The following BMPR1B variants were observed in gnomAD, a reference collection of about 807,000 sequenced individuals.
The protein encoded by BMPR1B is bone morphogenetic protein receptor type 1B, also known as bone morphogenetic protein receptor type-1B.
BMPR1B carries 12 observed loss-of-function variants against 59.1 expected under a neutral mutation model. That is an observed-to-expected ratio of 0.20 (90% CI 0.13 to 0.33). The LOEUF (loss-of-function observed/expected upper bound fraction) is 0.33. Among genes scored for constraint, BMPR1B ranks in the 10% least tolerant of loss-of-function variants. The pLI is 1.00. For synonymous variants in BMPR1B, 237 were observed against 207.3 expected (o/e 1.14, Z -1.23); for missense variants, 550 against 610.9 (o/e 0.90, Z 1.05).
At chr4:94,968,379 C>T (rs1425869161) in intron 2 of BMPR1B, among the ~76,000 whole-genome samples, 4 of 151,784 alleles carry the variant, frequency 2.6e-5, no homozygotes, top group Admixed American at 1.3e-4. Context: ...AATCATGGAG[C>T]AAGCTTAAGA....
At chr4:95,120,258 C>T (rs1397744022) in intron 6 of BMPR1B, among the ~76,000 whole-genome samples, 1 of 152,160 alleles carries the variant, frequency 6.6e-6, no homozygotes, top group Admixed American at 6.5e-5. Flanking sequence ...TTTTGTTTAT[C>T]CAACACACCA....
intron 4 of BMPR1B, among the ~76,000 whole-genome samples, chr4:95,108,514 A>G (rs560305712): frequency 5.9e-5 from 9 of 152,072 alleles, no homozygotes; most frequent in Non-Finnish European, 1.2e-4. Flanking sequence ...GAAATCTCAC[A>G]TGCTAATTTA....
At chr4:95,148,563 C>A (rs1192771793) in intron 10 of BMPR1B, among the ~76,000 whole-genome samples, 185 bp from the exon 11 acceptor site, 1 of 152,046 alleles carries the variant, frequency 6.6e-6, no homozygotes, top group Non-Finnish European at 1.5e-5. Flanking sequence ...CTTTCATTGG[C>A]TTTTAACCTG....
intron 3 of BMPR1B, among the ~76,000 whole-genome samples, chr4:95,043,454 T>A (rs567905417): frequency 6.6e-6 from 1 of 152,324 alleles, no homozygotes; most frequent in South Asian, 2.1e-4. Context: ...TCCTACTCTT[T>A]TAATGTTCAT....
intron 3 of BMPR1B, among the ~76,000 whole-genome samples, chr4:95,035,488 T>A (rs938908574): frequency 6.6e-6 from 1 of 152,136 alleles, no homozygotes; most frequent in Non-Finnish European, 1.5e-5. Flanking sequence ...GCTTCATTCT[T>A]CTACATGTGG....
chr4:95,088,919 G>C (rs1004689293), intron 3 of BMPR1B, among the ~76,000 whole-genome samples: 1 of 152,044 alleles, frequency 6.6e-6, no homozygotes, highest in African/African-American at 2.4e-5. Flanking sequence ...GGATTCTGTA[G>C]GTAAATACAG....
At chr4:94,885,972 T>C (rs1040745671) in intron 2 of BMPR1B, among the ~76,000 whole-genome samples, 4 of 152,148 alleles carry the variant, frequency 2.6e-5, no homozygotes, top group African/African-American at 9.6e-5. Context: ...CAAAGTAAGA[T>C]GATAGAAATA....
intron 1 of BMPR1B, among the ~76,000 whole-genome samples, chr4:94,854,942 C>G (rs1286913044): frequency 6.6e-6 from 1 of 152,140 alleles, no homozygotes; most frequent in Non-Finnish European, 1.5e-5. Context: ...ATTATCATCT[C>G]TTATACTGAA....
intron 2 of BMPR1B, among the ~76,000 whole-genome samples, chr4:94,915,027 A>G (rs536871018): frequency 5.3e-5 from 8 of 152,302 alleles, no homozygotes; most frequent in African/African-American, 1.9e-4. Flanking sequence ...CAGGTTTGCT[A>G]TAGAAGATCA....
intron 1 of BMPR1B, among the ~76,000 whole-genome samples, chr4:94,813,869 G>T (rs570779424): frequency 4.7e-4 from 71 of 152,212 alleles, no homozygotes; most frequent in African/African-American, 1.7e-3. Context: ...GGTGACACTA[G>T]GATTTTTGGT....
intron 1 of BMPR1B, among the ~76,000 whole-genome samples, chr4:94,797,857 C>A (rs1244368158): frequency 1.3e-5 from 2 of 152,164 alleles, no homozygotes; most frequent in African/African-American, 4.8e-5. Flanking sequence ...CAAATAGCTT[C>A]AGACCCCAAA....
At chr4:94,957,212 C>G (rs1029005616) in intron 2 of BMPR1B, among the ~76,000 whole-genome samples, 4 of 152,070 alleles carry the variant, frequency 2.6e-5, no homozygotes, top group African/African-American at 7.2e-5. Context: ...GCCTGTGAAA[C>G]TCGATGCCTC....
intron 1 of BMPR1B, among the ~76,000 whole-genome samples, chr4:94,865,431 C>G (rs1275141920): frequency 1.3e-5 from 2 of 151,620 alleles, no homozygotes; most frequent in Non-Finnish European, 2.9e-5. Context: ...CGCTCTGTCA[C>G]CCGGGCTGGA....
chr4:94,791,767 T>A (rs1289349413), intron 1 of BMPR1B, among the ~76,000 whole-genome samples: 1 of 152,176 alleles, frequency 6.6e-6, no homozygotes, highest in Non-Finnish European at 1.5e-5. Context: ...TTTAAATAGA[T>A]AAATTCTTGA....
At chr4:94,806,744 A>G (rs1723618182) in intron 1 of BMPR1B, among the ~76,000 whole-genome samples, 1 of 152,208 alleles carries the variant, frequency 6.6e-6, no homozygotes, top group African/African-American at 2.4e-5. Flanking sequence ...TCTCAGATAA[A>G]TAGCAAATCA....
At chr4:94,956,392 T>A (rs994489649) in intron 2 of BMPR1B, among the ~76,000 whole-genome samples, 5 of 152,156 alleles carry the variant, frequency 3.3e-5, no homozygotes, top group Non-Finnish European at 5.9e-5. Flanking sequence ...CATAAAGACA[T>A]AATATAATTA....
intron 10 of BMPR1B, among the ~76,000 whole-genome samples, chr4:95,142,812 T>TG (rs1180538311): frequency 8.6e-6 from 1 of 115,634 alleles, no homozygotes; most frequent in East Asian, 2.4e-4. Context: ...TAGTTGGGGC[T>TG]CTTTTTTTTT....
intron 1 of BMPR1B, among the ~76,000 whole-genome samples, chr4:94,825,587 T>G (rs1724355215): frequency 6.6e-6 from 1 of 152,182 alleles, no homozygotes; most frequent in South Asian, 2.1e-4. Context: ...AGAAATCTTG[T>G]GGCAGACTTG....
intron 1 of BMPR1B, among the ~76,000 whole-genome samples, chr4:94,805,103 A>C (rs999120180): frequency 2.6e-5 from 4 of 152,192 alleles, no homozygotes; most frequent in Non-Finnish European, 5.9e-5. Context: ...TAAGACTTAG[A>C]ATTATGTAAT....
Sources: gnomAD v4.1 joint callset for allele counts (sites outside exome capture counted in the v4.1 genomes callset) on GRCh38, gnomAD v4.1.1 for gene constraint, MANE v1.5 for transcripts, NCBI Gene and HGNC (gene_info 2026-07-23, HGNC 2026-07-21) for gene names.